FHIT: variants seen among roughly 807,000 people sequenced by gnomAD.
The protein encoded by FHIT is bis(5'-adenosyl)-triphosphatase.
A neutral mutation model predicts 17.9 loss-of-function variants in FHIT; 19 were observed. That is an observed-to-expected ratio of 1.06 (90% CI 0.74 to 1.56). The LOEUF (loss-of-function observed/expected upper bound fraction) is 1.56, where lower values mean the gene tolerates loss of function less well. FHIT is among the 40% of genes most tolerant of loss of function. FHIT has a pLI of 0.00. For missense variants in FHIT, 248 were observed against 189.2 expected (o/e 1.31, Z -1.82); for synonymous variants, 81 against 69.7 (o/e 1.16, Z -0.81).
At chr3:59,949,280 A>G (rs771155942) in intron 7 of FHIT, among the ~76,000 whole-genome samples, 2 of 152,214 alleles carry the variant, frequency 1.3e-5, no homozygotes, top group Non-Finnish European at 2.9e-5. Flanking sequence ...ATTTTCACAT[A>G]GGACCTTTTA....
chr3:60,958,785 A>G (rs1553779672), intron 3 of FHIT, among the ~76,000 whole-genome samples: 1 of 152,252 alleles, frequency 6.6e-6, no homozygotes, highest in Non-Finnish European at 1.5e-5. Context: ...ACAATGTTTT[A>G]TCTTGAACAG....
intron 8 of FHIT, among the ~76,000 whole-genome samples, chr3:59,920,464 G>A (rs138187499): frequency 1.3e-5 from 2 of 152,272 alleles, no homozygotes; most frequent in East Asian, 3.9e-4. Flanking sequence ...GCAGACAAGG[G>A]CAAAGGAATA....
intron 5 of FHIT, among the ~76,000 whole-genome samples, chr3:60,398,314 T>A (rs985934331): frequency 6.6e-6 from 1 of 152,104 alleles, no homozygotes; most frequent in African/African-American, 2.4e-5. Flanking sequence ...CTCCTGAAAA[T>A]CTTTGAGGTA....
chr3:60,147,093 G>C lies in FHIT; in HGVS notation c.104-132941C>G, dbSNP rs143999541. Among the ~76,000 whole-genome samples, 379 of 152,172 alleles carry C rather than the reference G, an allele frequency of 2.5e-3. 3 individuals carry two copies. Among genetic ancestry groups the C allele is most frequent in the African/African-American group, 8.7e-3 (361 of 41,528 alleles). ...GGTAATATTGCTTGCAACTAAATTGGATTTTCCACCAGAGAAAGCTGTTTA... is the reference window on the plus strand; with the variant it reads ...GGTAATATTGCTTGCAACTAAATTGCATTTTCCACCAGAGAAAGCTGTTTA... On this transcript the variant is annotated intron_variant, in intron 5 of 9. Transcript: ENST00000492590.
At chr3:60,561,691 G>C (rs935981684) in intron 4 of FHIT, among the ~76,000 whole-genome samples, 2 of 152,224 alleles carry the variant, frequency 1.3e-5, no homozygotes, top group South Asian at 4.1e-4. Context: ...GCCAGAGATA[G>C]AAGGACTGAC....
intron 5 of FHIT, among the ~76,000 whole-genome samples, chr3:60,406,982 A>G (rs1461246134): frequency 2.7e-5 from 4 of 150,806 alleles, no homozygotes; most frequent in Admixed American, 6.6e-5. Context: ...ATAAACCCCA[A>G]TCTACTCTGC....
At chr3:61,024,566 T>A (rs1343905565) in intron 3 of FHIT, among the ~76,000 whole-genome samples, 1 of 152,164 alleles carries the variant, frequency 6.6e-6, no homozygotes, top group African/African-American at 2.4e-5. Flanking sequence ...TACATTTGTA[T>A]GTATGAGCAA....
chr3:60,715,362 A>G (rs1384145843), intron 4 of FHIT, among the ~76,000 whole-genome samples: 1 of 152,130 alleles, frequency 6.6e-6, no homozygotes, highest in African/African-American at 2.4e-5. Context: ...AAAGACTTGG[A>G]ACCAACCAAA....
chr3:60,604,953 CACAAGAG>C (rs2038562917), intron 4 of FHIT, among the ~76,000 whole-genome samples: 2 of 152,174 alleles, frequency 1.3e-5, no homozygotes. Flanking sequence ...TCCATTTTAA[CACAAGAG>C]CTTTCTGACT....
intron 8 of FHIT, among the ~76,000 whole-genome samples, chr3:59,785,445 G>A (rs1254955438): frequency 6.6e-6 from 1 of 151,884 alleles, no homozygotes; most frequent in African/African-American, 2.4e-5. Context: ...GAGTAGCTGG[G>A]TTTACAGGCG....
intron 8 of FHIT, among the ~76,000 whole-genome samples, chr3:59,786,812 C>T (rs1438557082): frequency 6.6e-6 from 1 of 152,224 alleles, no homozygotes; most frequent in African/African-American, 2.4e-5. Flanking sequence ...TGTGAGGTTC[C>T]CTCAATACTC....
intron 4 of FHIT, among the ~76,000 whole-genome samples, chr3:60,655,009 ATACAATT>A (rs1200595151): frequency 1.8e-4 from 28 of 152,332 alleles, no homozygotes; most frequent in South Asian, 1.2e-3. Flanking sequence ...GGAGGTATAA[ATACAATT>A]TAGAAGTGGC....
chr3:59,853,116 C>A (rs566519285), intron 8 of FHIT, among the ~76,000 whole-genome samples: 1 of 152,270 alleles, frequency 6.6e-6, no homozygotes, highest in African/African-American at 2.4e-5. Flanking sequence ...TCCAAAGAGG[C>A]TGTAATATGT....
intron 3 of FHIT, among the ~76,000 whole-genome samples, chr3:60,850,545 T>G (rs1311641108): frequency 6.6e-6 from 1 of 152,070 alleles, no homozygotes; most frequent in East Asian, 1.9e-4. Flanking sequence ...CTTTATTTGC[T>G]TGTTGCCCAT....
chr3:59,785,562 G>T (rs1204168284), intron 8 of FHIT, among the ~76,000 whole-genome samples: 3 of 151,990 alleles, frequency 2.0e-5, no homozygotes, highest in African/African-American at 4.8e-5. Context: ...CAAGTGATCC[G>T]CCCACCTTGG....
chr3:60,458,391 T>C (rs1279381312), intron 5 of FHIT, among the ~76,000 whole-genome samples: 1 of 144,000 alleles, frequency 6.9e-6, no homozygotes, highest in African/African-American at 2.6e-5. Flanking sequence ...TGAGAACACA[T>C]TGACACAGGA....
intron 5 of FHIT, among the ~76,000 whole-genome samples, chr3:60,374,895 T>G: frequency 6.6e-6 from 1 of 151,876 alleles, no homozygotes; most frequent in East Asian, 1.9e-4. Flanking sequence ...CTACAGTCAG[T>G]TAACAGGATA....
At chr3:61,136,496 C>T (rs1284685737) in intron 2 of FHIT, among the ~76,000 whole-genome samples, 3 of 151,898 alleles carry the variant, frequency 2.0e-5, no homozygotes, top group Admixed American at 2.0e-4. Flanking sequence ...GAAAATGTGG[C>T]TATGTTTTAG....
chr3:60,537,943 T>TA (rs2036045717), intron 4 of FHIT, among the ~76,000 whole-genome samples: 1 of 123,266 alleles, frequency 8.1e-6, no homozygotes, highest in African/African-American at 3.3e-5. Context: ...AAGGATGAAA[T>TA]TAGAAAATAG....
Sources: allele counts gnomAD v4.1 joint callset (sites outside exome capture counted in the v4.1 genomes callset), GRCh38; gene constraint gnomAD v4.1.1; transcripts MANE v1.5; gene names NCBI Gene and HGNC (gene_info 2026-07-23, HGNC 2026-07-21).